The following SMC3 variants were observed in gnomAD, a reference collection of about 807,000 sequenced individuals.
SMC3 encodes the protein structural maintenance of chromosomes 3, also known as structural maintenance of chromosomes protein 3.
A neutral mutation model predicts 171.8 loss-of-function variants in SMC3; 20 were observed. That is an observed-to-expected ratio of 0.12 (90% confidence interval 0.08 to 0.17). SMC3 has a LOEUF of 0.17. Ranked by LOEUF, SMC3 falls within the 10% of genes least tolerant of loss-of-function variation. SMC3 has a pLI of 1.00. For synonymous variants in SMC3, 464 were observed against 451.1 expected (o/e 1.03, Z -0.36); for missense variants, 543 against 1,420.4 (o/e 0.38, Z 9.93).
chr10:110,591,161 C>T (rs967715619), intron 17 of SMC3, 29 bp downstream of exon 17: 1 of 1,605,836 alleles, frequency 6.2e-7, no homozygotes, highest in African/African-American at 1.3e-5. Flanking sequence ...AGGTGTATTT[C>T]TCTTTTATAA....
At chr10:110,581,875 A>G (rs377624692) in intron 8 of SMC3, 48 bp from the exon 9 acceptor site, 343 of 1,440,804 alleles carry the variant, frequency 2.4e-4, no homozygotes, top group Non-Finnish European at 3.2e-4. Flanking sequence ...GTGATATTAC[A>G]TAAAAATCTT....
intron 8 of SMC3, among the ~76,000 whole-genome samples, chr10:110,581,516 C>T (rs752409806): frequency 2.6e-5 from 4 of 151,952 alleles, no homozygotes; most frequent in Non-Finnish European, 4.4e-5. Context: ...TGCGCCTGGC[C>T]GGCACACTGA....
At chr10:110,594,128 C>CT (rs1403325353) in intron 18 of SMC3, among the ~76,000 whole-genome samples, 64 of 151,218 alleles carry the variant, frequency 4.2e-4, no homozygotes, top group African/African-American at 1.4e-3. Flanking sequence ...GGTTCTTAAC[C>CT]TTTTTTGCAG....
rs1211045877 is a variant in SMC3 at position 110,600,676 on chromosome 10, T to C, written c.2535+130T>C. 11 of 684,270 alleles carry C rather than the reference T, an allele frequency of 1.6e-5. No individual in the cohort carries two copies. In the South Asian group the frequency reaches 1.8e-4, roughly 11 times the overall value. The allele number at this position is 684,270 out of a possible 1,614,324, so 42.4% of individuals were successfully genotyped here. A position where few individuals can be genotyped will look rare whatever the true frequency, so the allele number is the denominator to read the frequency against. ...CAGAAAGCTTAGTGTCTTGTGGGCC[T>C]TGGGTTGGAATTCTGCCACCTAGTG... On this transcript the variant is annotated intron_variant, in intron 22 of 28. Coordinates refer to ENST00000361804, the MANE Select transcript of SMC3 (RefSeq NM_005445.4).
intron 7 of SMC3, among the ~76,000 whole-genome samples, chr10:110,579,573 A>G (rs1267291492): frequency 6.6e-6 from 1 of 151,628 alleles, no homozygotes; most frequent in East Asian, 1.9e-4. Flanking sequence ...AATCTGTTTT[A>G]TTTTTCTTCA....
chr10:110,589,516 C>T lies in SMC3; in HGVS notation c.1306-89C>T, dbSNP rs1861175824. ...TCCTCCCTCACCTTTTGTCCGCCTC[C>T]CCCATCCATCTGCAACCACTGATCT... On this transcript the variant is annotated intron_variant, in intron 13 of 28. Coordinates refer to ENST00000361804, the MANE Select transcript of SMC3 (RefSeq NM_005445.4). 6 of 829,364 alleles carry T rather than the reference C, an allele frequency of 7.2e-6. No individual in the cohort carries two copies. In the South Asian group the frequency reaches 9.1e-5, roughly 13 times the overall value. 51.4% of individuals were successfully genotyped at this position (829,364 alleles called of 1,614,324 possible).
chr10:110,584,434 G>A (rs1307244409), intron 13 of SMC3, 38 bp downstream of exon 13: 2 of 1,447,902 alleles, frequency 1.4e-6, no homozygotes, highest in East Asian at 2.3e-5. Flanking sequence ...AAATCTTTCA[G>A]AAGAGATAAA....
intron 13 of SMC3, among the ~76,000 whole-genome samples, chr10:110,587,053 G>GTTT (rs1467315971): frequency 7.2e-5 from 11 of 152,088 alleles, no homozygotes; most frequent in Non-Finnish European, 1.3e-4. Context: ...CTTTTTGGTG[G>GTTT]TTTTATTATG....
At chr10:110,588,668 G>A (rs889028683) in intron 13 of SMC3, among the ~76,000 whole-genome samples, 3 of 152,150 alleles carry the variant, frequency 2.0e-5, no homozygotes, top group Non-Finnish European at 4.4e-5. Context: ...TCACTAAGTG[G>A]ATGAAGTGTC....
At chr10:110,586,906 C>G (rs996212264) in intron 13 of SMC3, among the ~76,000 whole-genome samples, 1 of 152,200 alleles carries the variant, frequency 6.6e-6, no homozygotes, top group African/African-American at 2.4e-5. Flanking sequence ...ATCCGCCCAC[C>G]TGAGCCTCCC....
Position 110,601,083 on chromosome 10 carries a change from T to C in SMC3, c.2597T>C (p.Leu866Pro). 6.2e-7 allele frequency: 1 copy of C among 1,613,700 alleles called. No individual in the cohort carries two copies. The highest frequency in any genetic ancestry group is 8.5e-7 in the Non-Finnish European group (1 of 1,179,736). The change falls in exon 23 of 29, where the codon CTT (leucine) becomes CCT (proline). Residue 866 changes from leucine to proline, a missense_variant. Leu to Pro is a moderately conservative substitution (Grantham distance 98, BLOSUM62 -3). Transcript: ENST00000361804. ...GTTCTCACAGCCACAACATCAGAACTTGAAGCCATCAATAAAAGAGTAAAA... is the reference window on the plus strand; with the variant it reads ...GTTCTCACAGCCACAACATCAGAACCTGAAGCCATCAATAAAAGAGTAAAA... ...GTVLTATTSELEAINKRVKDT... is the reference protein window; with the variant it reads ...GTVLTATTSEPEAINKRVKDT...
At chr10:110,580,068 G>T (rs1454810325) in intron 7 of SMC3, among the ~76,000 whole-genome samples, 1 of 151,910 alleles carries the variant, frequency 6.6e-6, no homozygotes, top group African/African-American at 2.4e-5. Flanking sequence ...AGTACAATAA[G>T]AAATAATACA....
Position 110,602,677 on chromosome 10 carries a change from T to G in SMC3, c.3297+12T>G. 6.2e-7 allele frequency: 1 copy of G among 1,605,846 alleles called. No homozygotes were observed. Among genetic ancestry groups the G allele is most frequent in the Non-Finnish European group, 8.5e-7 (1 of 1,172,500 alleles). ...GAGTTGGAATTAGGGTAAAATACCT[T>G]TATATTCCATTTTCCTCAGAGCATT... On this transcript the variant is annotated intron_variant, in intron 26 of 28. Transcript: ENST00000361804.
intron 23 of SMC3, 111 bp downstream of exon 23, chr10:110,601,241 C>A: frequency 2.4e-6 from 2 of 829,196 alleles, no homozygotes; most frequent in Non-Finnish European, 4.1e-6. Flanking sequence ...TTTTTGTTTT[C>A]CATTATAAAC....
chr10:110,591,660 T>C (rs1464172315), intron 17 of SMC3, among the ~76,000 whole-genome samples: 3 of 152,204 alleles, frequency 2.0e-5, no homozygotes, highest in Non-Finnish European at 1.5e-5. Context: ...ATTAAAAATA[T>C]TCTTCAGACA....
chr10:110,590,537 T>C lies in SMC3; in HGVS notation c.1635T>C (p.Ala545=). Residue 545 remains alanine (A), a synonymous_variant, in exon 16 of 29, where the codon GCT becomes GCC. Coordinates refer to ENST00000361804, the MANE Select transcript of SMC3 (RefSeq NM_005445.4). Reference sequence around the variant, plus strand: ...TGAATAACTTTGAATGTGAACCAGCTTTCTACACATGCGTGGAAGTCACTG... The same window carrying C: ...TGAATAACTTTGAATGTGAACCAGCCTTCTACACATGCGTGGAAGTCACTG... The part of the protein sequence containing the change: ...IVMNNFECEP[A]FYTCVEVTAG... 1.2e-6 allele frequency: 2 copies of C among 1,614,144 alleles called. No homozygotes were observed. The highest frequency in any genetic ancestry group is 1.7e-6 in the Non-Finnish European group (2 of 1,179,976).
Position 110,605,637 on chromosome 10 carries a change from A to G in SMC3, c.*1335A>G, listed in dbSNP as rs1861456804. 6.6e-6 allele frequency among the ~76,000 whole-genome samples: 1 copy of G among 152,156 alleles called. No homozygotes were observed. The highest frequency in any genetic ancestry group is 1.5e-5 in the Non-Finnish European group (1 of 68,002). On this transcript the variant is annotated 3_prime_UTR_variant, in exon 29 of 29. Transcript: ENST00000361804. The stretch of plus-strand genomic sequence containing the variant: ...TGAATCTTTAAATGTTCGGTGTATT[A>G]TTTATACTTTGTAGCTTTGCTATAA...
In SMC3 at chr10:110,604,385, T is replaced by G. The variant is rs1861436337; in HGVS notation, c.*83T>G. 3.0e-6 allele frequency: 3 copies of G among 1,013,032 alleles called. No individual in the cohort carries two copies. The Admixed American group carries it at 5.2e-5, about 18-fold the overall frequency. 62.8% of individuals were successfully genotyped at this position (1,013,032 alleles called of 1,614,324 possible). ...CAGGAACTGTAAATTTAAACCTAAA[T>G]ATTTGGCCAATAGTTTTCAGACTTA... On this transcript the variant is annotated 3_prime_UTR_variant, in exon 29 of 29. Coordinates refer to ENST00000361804, the MANE Select transcript of SMC3 (RefSeq NM_005445.4).
chr10:110,598,260 G>A lies in SMC3; in HGVS notation c.2238G>A (p.Arg746=), dbSNP rs1168974164. 1.2e-6 allele frequency: 2 copies of A among 1,613,850 alleles called. No homozygotes were observed. Among genetic ancestry groups the A allele is most frequent in the Non-Finnish European group, 1.7e-6 (2 of 1,179,956 alleles). The change falls in exon 20 of 29, where the codon AGG becomes AGA. Residue 746 remains arginine (R), a synonymous_variant. Coordinates refer to ENST00000361804, the MANE Select transcript of SMC3 (RefSeq NM_005445.4). ...LSEMKMLKEK[R]QQSEKTFMPK... ...AAATGAAGATGCTAAAAGAGAAGAG[G>A]CAGCAGTCAGAGAAAACCTTCATGC...
Sources: gnomAD v4.1 joint callset for allele counts (sites outside exome capture counted in the v4.1 genomes callset) on GRCh38, gnomAD v4.1.1 for gene constraint, MANE v1.5 for transcripts, NCBI Gene and HGNC (gene_info 2026-07-23, HGNC 2026-07-21) for gene names.